The following SYNE2 variants were observed in gnomAD, a reference collection of about 807,000 sequenced individuals.
SYNE2 encodes nesprin-2.
SYNE2 carries 431 observed loss-of-function variants against 856.3 expected under a neutral mutation model. That is an observed-to-expected ratio of 0.50 (90% CI 0.47 to 0.55). The LOEUF (loss-of-function observed/expected upper bound fraction) is 0.55, where lower values mean the gene tolerates loss of function less well. Among genes scored for constraint, SYNE2 ranks in the 20% least tolerant of loss-of-function variants. SYNE2 has a pLI of 0.00. For missense variants in SYNE2, 8,129 were observed against 8,023.2 expected, an observed-to-expected ratio of 1.01 and a Z score of -0.50; for synonymous variants, 2,923 against 2,872.3, an observed-to-expected ratio of 1.02 and a Z score of -0.56.
rs553153288 is a variant in SYNE2, at chr14:64,049,857, G to C, written c.7624G>C (p.Asp2542His). ...ATCTTCAATGAAAGCCTTGTTGACA[G>C]ACAAGGAAAGTCTTAAAGTGTAAGT... ...VESSMKALLT[D>H]KESLKVGPLD... Residue 2542 changes from aspartate to histidine, a missense_variant, in exon 47 of 116, where the codon GAC (aspartate) becomes CAC (histidine). By Grantham distance (81) the Asp-to-His change is moderately conservative. This residue lies in a region of SYNE2 where 5,410 missense variants were observed against 5,284.8 expected (regional missense o/e 1.02). Coordinates refer to ENST00000555002, the MANE Select transcript of SYNE2 (RefSeq NM_182914.3). 5.0e-6 allele frequency: 8 copies of C among 1,614,046 alleles called. No homozygotes were observed. In the South Asian group the frequency reaches 7.7e-5, roughly 16 times the overall value.
chr14:64,081,357 C>G (rs2097522450), intron 56 of SYNE2, 86 bp from the exon 57 acceptor site: 1 of 1,564,734 alleles, frequency 6.4e-7, no homozygotes, highest in South Asian at 1.1e-5. Flanking sequence ...ACACCCCTGA[C>G]TAACAGCTAT....
intron 1 of SYNE2, among the ~76,000 whole-genome samples, chr14:63,856,002 G>A (rs1891616447): frequency 6.6e-6 from 1 of 152,182 alleles, no homozygotes; most frequent in Non-Finnish European, 1.5e-5. Flanking sequence ...TAGCCATGTT[G>A]TTGTGGCATA....
intron 1 of SYNE2, among the ~76,000 whole-genome samples, chr14:63,772,512 G>A (rs893302815): frequency 1.3e-5 from 2 of 152,198 alleles, no homozygotes; most frequent in African/African-American, 4.8e-5. Context: ...GGGAGGCAAA[G>A]GTGGATGGAT....
intron 85 of SYNE2, among the ~76,000 whole-genome samples, chr14:64,156,460 C>CTTTTTT (rs780034696): frequency 6.9e-6 from 1 of 144,636 alleles, no homozygotes. Flanking sequence ...TTTTTCTTTC[C>CTTTTTT]TTTTTTTTTT....
chr14:64,212,950 A>G lies in SYNE2; in HGVS notation c.19001A>G (p.Gln6334Arg), dbSNP rs1567662294. 6.2e-7 allele frequency: 1 copy of G among 1,614,234 alleles called. No homozygotes were observed. Among genetic ancestry groups the G allele is most frequent in the Non-Finnish European group, 8.5e-7 (1 of 1,180,046 alleles). Residue 6334 changes from glutamine (Q) to arginine (R), a missense_variant, in exon 105 of 116, where the codon CAG becomes CGG. Physicochemically the swap from Gln to Arg is conservative, Grantham distance 43. Around this residue, in one of 3 missense-constraint regions of SYNE2, gnomAD observed 5,410 missense variants for 5,284.8 expected, o/e 1.02. Coordinates refer to ENST00000555002, the MANE Select transcript of SYNE2 (RefSeq NM_182914.3). ...DELEELHRYC[Q>R]EVFGRVSRFH... ...CTGGAGGAACTCCACCGCTACTGCC[A>G]GGAGGTGTTTGGAAGGGTCTCCCGG...
intron 21 of SYNE2, 93 bp downstream of exon 21, chr14:63,991,208 C>A (rs1467665713): frequency 2.4e-6 from 3 of 1,229,398 alleles, no homozygotes; most frequent in Admixed American, 2.0e-5. Context: ...TAATTATATA[C>A]TGAGTTACTG....
intron 1 of SYNE2, among the ~76,000 whole-genome samples, chr14:63,891,729 C>T (rs996360551): frequency 1.3e-5 from 2 of 151,916 alleles, no homozygotes; most frequent in Admixed American, 6.6e-5. Flanking sequence ...CAAGACAAAA[C>T]AGACCTTATC....
chr14:64,006,128 A>G (rs1353377425), intron 30 of SYNE2, among the ~76,000 whole-genome samples: 1 of 152,208 alleles, frequency 6.6e-6, no homozygotes, highest in Non-Finnish European at 1.5e-5. Flanking sequence ...TATGGGAGTG[A>G]ATTGAAGAGA....
At position 64,215,297 on chromosome 14, in the gene SYNE2, C is replaced by G. The variant is rs768426686; in HGVS notation, c.19345C>G (p.Pro6449Ala). 1 of 1,614,104 alleles carries G rather than the reference C, an allele frequency of 6.2e-7. No individual in the cohort carries two copies. Among genetic ancestry groups the G allele is most frequent in the East Asian group, 2.2e-5 (1 of 44,894 alleles). The change falls in exon 107 of 116, where the codon CCT becomes GCT. Residue 6449 changes from proline to alanine, a missense_variant. This residue lies in a region of SYNE2 where 5,410 missense variants were observed against 5,284.8 expected (regional missense o/e 1.02). Transcript: ENST00000555002. ...TTGTTCTTTTTCAGATGTAGAAATC[C>G]CTGAAAATCCTGAGGCATATCTTAA... Reference protein sequence around the residue: ...YYSALSDVEIPENPEAYLKMT... With the variant: ...YYSALSDVEIAENPEAYLKMT...
In SYNE2 at chr14:64,055,838, A is replaced by AATAAG. The variant is rs1363730039; in HGVS notation, c.9745-105_9745-104insTAAGA. The stretch of plus-strand genomic sequence containing the variant: ...AAAACTTAAAGTATAATAATAATAA[A>AATAAG]AAAAGACTCAGAGACATATTATCTA... On this transcript the variant is annotated intron_variant, in intron 48 of 115. Transcript: ENST00000555002. 1,229 of 779,912 alleles carry AATAAG rather than the reference A, an allele frequency of 1.6e-3. 18 individuals carry two copies. The African/African-American group carries it at 0.02, about 13-fold the overall frequency. 48.3% of individuals were successfully genotyped at this position (779,912 alleles called of 1,614,324 possible).
chr14:64,019,893 G>T, intron 34 of SYNE2, 99 bp from the exon 35 acceptor site: 1 of 818,398 alleles, frequency 1.2e-6, no homozygotes, highest in East Asian at 2.6e-5. Flanking sequence ...GAAATTCAAG[G>T]GCTCTCTCAG....
At chr14:64,119,345 A>G in intron 66 of SYNE2, 82 bp from the exon 67 acceptor site, 1 of 1,558,736 alleles carries the variant, frequency 6.4e-7, no homozygotes, top group Non-Finnish European at 8.8e-7. Context: ...CTTAAGTAAA[A>G]AGAGTAAGTC....
At chr14:63,848,131 C>A (rs1008241857), upstream of SYNE2, 1 of 152,222 alleles carries the variant, frequency 6.6e-6, no homozygotes, top group Non-Finnish European at 1.5e-5. Context: ...AGGTGATCCA[C>A]CTGTCTAAAC....
At chr14:64,223,882 C>T (rs1403493041) in intron 113 of SYNE2, among the ~76,000 whole-genome samples, 1 of 152,184 alleles carries the variant, frequency 6.6e-6, no homozygotes, top group Non-Finnish European at 1.5e-5. Flanking sequence ...TCATCACCGA[C>T]CTGTGATGAG....
chr14:64,220,945 A>G (rs2098691444), intron 111 of SYNE2, among the ~76,000 whole-genome samples: 1 of 152,158 alleles, frequency 6.6e-6, no homozygotes, highest in Non-Finnish European at 1.5e-5. Flanking sequence ...CAGAGTGATT[A>G]AGAGACCTGG....
chr14:64,163,187 T>G (rs1044155724), intron 88 of SYNE2, among the ~76,000 whole-genome samples: 1 of 152,226 alleles, frequency 6.6e-6, no homozygotes, highest in Non-Finnish European at 1.5e-5. Flanking sequence ...GTGGTCACTT[T>G]TAGTTTTGAA....
chr14:64,077,825 T>C (rs2097480364), intron 54 of SYNE2, among the ~76,000 whole-genome samples: 1 of 152,168 alleles, frequency 6.6e-6, no homozygotes, highest in Non-Finnish European at 1.5e-5. Flanking sequence ...TTTTTGTTTC[T>C]TTTTAAGAGA....
At chr14:63,948,770 G>GTGTGTGTATATATATATATGTATATATA (rs1555393662) in intron 6 of SYNE2, among the ~76,000 whole-genome samples, 22 of 79,712 alleles carry the variant, frequency 2.8e-4, no homozygotes, top group South Asian at 8.7e-4. Flanking sequence ...GTATATATAT[G>GTGTGTGTATATATATATATGTATATATA]TATGTGTGTG....
intron 2 of SYNE2, among the ~76,000 whole-genome samples, chr14:63,920,672 G>T (rs900202973): frequency 6.6e-6 from 1 of 151,720 alleles, no homozygotes; most frequent in Non-Finnish European, 1.5e-5. Context: ...GTCTGTTAGG[G>T]TGGTCCACCC....
Sources: allele counts gnomAD v4.1 joint callset (sites outside exome capture counted in the v4.1 genomes callset), GRCh38; gene constraint gnomAD v4.1.1; regional missense constraint gnomAD v4.1.1; transcripts MANE v1.5; gene names NCBI Gene and HGNC (gene_info 2026-07-23, HGNC 2026-07-21).